The following ANO3 variants were observed in gnomAD, a reference collection of about 807,000 sequenced individuals.
ANO3 encodes anoctamin-3.
A neutral mutation model predicts 144.8 loss-of-function variants in ANO3; 99 were observed. The observed-to-expected ratio is 0.68, with a 90% CI of 0.58 to 0.81. The LOEUF is 0.81. Among genes scored for constraint, ANO3 ranks in the 30% least tolerant of loss-of-function variants. The pLI, the probability that ANO3 is intolerant of heterozygous loss-of-function variation, is 0.00. For missense variants in ANO3, 905 were observed against 1,202.2 expected (o/e 0.75, Z 3.66); for synonymous variants, 414 against 392.6 (o/e 1.05, Z -0.64).
At chr11:26,341,876 A>G (rs1343081861) in intron 1 of ANO3, among the ~76,000 whole-genome samples, 1 of 152,176 alleles carries the variant, frequency 6.6e-6, no homozygotes, top group Admixed American at 6.5e-5. Flanking sequence ...CAAGGGAGAA[A>G]GATGAGGCTG....
intron 26 of ANO3, among the ~76,000 whole-genome samples, chr11:26,656,880 C>A (rs535101119): frequency 6.6e-6 from 1 of 152,174 alleles, no homozygotes; most frequent in South Asian, 2.1e-4. Flanking sequence ...TACAGTTGAT[C>A]ACTTATATAT....
At chr11:26,289,196 A>T (rs1334039098) in intron 1 of ANO3, among the ~76,000 whole-genome samples, 1 of 152,098 alleles carries the variant, frequency 6.6e-6, no homozygotes, top group Non-Finnish European at 1.5e-5. Flanking sequence ...CAGGCAAAAA[A>T]AAAGTAGCAG....
At chr11:26,454,032 A>G (rs1310379123) in intron 3 of ANO3, among the ~76,000 whole-genome samples, 1 of 152,154 alleles carries the variant, frequency 6.6e-6, no homozygotes, top group African/African-American at 2.4e-5. Context: ...AACCAACGAG[A>G]ACAAAGACAC....
intron 1 of ANO3, among the ~76,000 whole-genome samples, chr11:26,346,750 T>G (rs1019832497): frequency 2.0e-5 from 3 of 152,194 alleles, no homozygotes; most frequent in Admixed American, 6.5e-5. Context: ...ATTTGACATC[T>G]GCTGAGGAAG....
chr11:26,268,656 G>A (rs976911493), intron 1 of ANO3, among the ~76,000 whole-genome samples: 2 of 152,130 alleles, frequency 1.3e-5, no homozygotes, highest in African/African-American at 2.4e-5. Context: ...ACTGGGATCC[G>A]AAGGCCATGT....
intron 4 of ANO3, among the ~76,000 whole-genome samples, chr11:26,473,434 G>T (rs1363518833): frequency 6.6e-6 from 1 of 151,942 alleles, no homozygotes; most frequent in Non-Finnish European, 1.5e-5. Context: ...ACAATACAAT[G>T]CAATGTCAAG....
intron 1 of ANO3, among the ~76,000 whole-genome samples, chr11:26,245,498 C>A (rs1564932009): frequency 6.6e-6 from 1 of 152,126 alleles, no homozygotes; most frequent in Non-Finnish European, 1.5e-5. Context: ...TAAGGTATAG[C>A]TTTGTCTTCT....
intron 1 of ANO3, among the ~76,000 whole-genome samples, chr11:26,408,674 A>G (rs1294646124): frequency 6.6e-6 from 1 of 150,506 alleles, no homozygotes; most frequent in Non-Finnish European, 1.5e-5. Flanking sequence ...ACACATGCAC[A>G]CGTATGTTTA....
At chr11:26,464,828 G>A (rs1859539296) in intron 4 of ANO3, among the ~76,000 whole-genome samples, 1 of 151,740 alleles carries the variant, frequency 6.6e-6, no homozygotes, top group African/African-American at 2.4e-5. Flanking sequence ...GGAGTGACTT[G>A]TTCTTCTAGC....
At chr11:26,568,070 G>C (rs981078335) in intron 14 of ANO3, among the ~76,000 whole-genome samples, 3 of 151,962 alleles carry the variant, frequency 2.0e-5, no homozygotes, top group Non-Finnish European at 4.4e-5. Context: ...TTACATAGGT[G>C]TTTGTATTTG....
intron 1 of ANO3, among the ~76,000 whole-genome samples, chr11:26,232,833 G>A (rs1468730243): frequency 6.6e-6 from 1 of 152,182 alleles, no homozygotes; most frequent in African/African-American, 2.4e-5. Flanking sequence ...ACTATCATCA[G>A]AGTGAACAGA....
At position 26,365,954 on chromosome 11, in the gene ANO3, TTATATATATATATATATATATATA is replaced by T. The variant is rs1158168765; in HGVS notation, c.46+33659_46+33682del. ...TTCCTCTCCCCAAACCATTTTTTCT[TTATATATATATATATATATATATA>T]TATATATATATATATATATATATAT... On this transcript the variant is annotated intron_variant, in intron 1 of 26. Transcript: ENST00000256737. Among the ~76,000 whole-genome samples the T allele has an allele frequency of 2.0e-4, 11 of 54,406 alleles. 2 individuals are homozygous for T. The highest frequency in any genetic ancestry group is 7.4e-4 in the African/African-American group (11 of 14,946). The allele number at this position is 54,406 out of a possible 152,430, so 35.7% of individuals were successfully genotyped here.
At chr11:26,504,440 A>T (rs2134129911) in intron 4 of ANO3, among the ~76,000 whole-genome samples, 1 of 152,314 alleles carries the variant, frequency 6.6e-6, no homozygotes, top group Admixed American at 6.5e-5. Flanking sequence ...TACTATGTAA[A>T]CCAAAAAGTT....
intron 1 of ANO3, among the ~76,000 whole-genome samples, chr11:26,325,816 G>A (rs964004882): frequency 3.3e-5 from 5 of 152,170 alleles, no homozygotes; most frequent in Non-Finnish European, 7.4e-5. Context: ...TCTGAAGCCA[G>A]AGTGCGTGAA....
At chr11:26,423,879 T>C (rs1272320904) in intron 1 of ANO3, among the ~76,000 whole-genome samples, 2 of 152,016 alleles carry the variant, frequency 1.3e-5, no homozygotes, top group African/African-American at 4.8e-5. Flanking sequence ...ACTTTACAAT[T>C]CAGTTCTGCC....
At chr11:26,233,252 A>G (rs991270359) in intron 1 of ANO3, among the ~76,000 whole-genome samples, 2 of 150,540 alleles carry the variant, frequency 1.3e-5, no homozygotes, top group African/African-American at 2.4e-5. Flanking sequence ...AATTTACTAG[A>G]AAAAAACAGC....
intron 1 of ANO3, among the ~76,000 whole-genome samples, chr11:26,290,921 T>C (rs1452506029): frequency 1.3e-5 from 2 of 152,228 alleles, no homozygotes; most frequent in Admixed American, 6.5e-5. Context: ...AGATGTCTAT[T>C]AGGTCCACTT....
intron 1 of ANO3, chr11:26,427,176 TC>T: frequency 4.9e-6 from 1 of 205,714 alleles, no homozygotes; most frequent in South Asian, 9.5e-5. Context: ...CCAGTGCCTG[TC>T]CATTGCTGCA....
At chr11:26,599,101 T>A (rs1158133518) in intron 16 of ANO3, 103 bp downstream of exon 16, 2 of 1,236,384 alleles carry the variant, frequency 1.6e-6, no homozygotes, top group African/African-American at 3.0e-5. Context: ...TCAGAAACCT[T>A]ATTCTTTCCA....
Sources: gnomAD v4.1 joint callset for allele counts (sites outside exome capture counted in the v4.1 genomes callset) on GRCh38, gnomAD v4.1.1 for gene constraint, MANE v1.5 for transcripts, NCBI Gene and HGNC (gene_info 2026-07-23, HGNC 2026-07-21) for gene names.